The following MAN1A1 variants were observed in gnomAD, a reference collection of about 807,000 sequenced individuals.
The protein encoded by MAN1A1 is mannosyl-oligosaccharide 1,2-alpha-mannosidase IA.
A neutral mutation model predicts 70.8 loss-of-function variants in MAN1A1; 29 were observed. The ratio of observed to expected loss-of-function variants is 0.41; its 90% CI spans 0.31 to 0.56. The LOEUF is 0.56. MAN1A1 is among the 20% of genes least tolerant of loss of function. MAN1A1 has a pLI of 0.29. For missense variants in MAN1A1, 747 were observed against 841.3 expected (o/e 0.89, Z 1.39); for synonymous variants, 349 against 330.1 (o/e 1.06, Z -0.62).
rs143336180 is a variant in MAN1A1, at chr6:119,252,275, T to C, written c.898-3921A>G. On this transcript the variant is annotated intron_variant, in intron 5 of 12. Transcript: ENST00000368468. ...CATTCTTAAATGTGGTTATGTTACA[T>C]ATAATTTTAATGGGCATTTCTCGCT... Among the ~76,000 whole-genome samples, 102 of 152,338 alleles carry C rather than the reference T, an allele frequency of 6.7e-4. No individual in the cohort carries two copies. The East Asian group carries it at 0.013, about 20-fold the overall frequency.
rs1554209499 is a variant in MAN1A1, at chr6:119,260,976, G to GCTTTTTTTTTT, written c.898-12623_898-12622insAAAAAAAAAAG. Among the ~76,000 whole-genome samples, 227 of 116,926 alleles carry GCTTTTTTTTTT rather than the reference G, an allele frequency of 1.9e-3. 33 individuals are homozygous for GCTTTTTTTTTT. Among genetic ancestry groups the GCTTTTTTTTTT allele is most frequent in the East Asian group, 3.0e-3 (13 of 4,300 alleles). The allele number at this position is 116,926 out of a possible 152,430, so 76.7% of individuals were successfully genotyped here. On this transcript the variant is annotated intron_variant, in intron 5 of 12. Transcript: ENST00000368468. The stretch of plus-strand genomic sequence containing the variant: ...TATCTAAATGTCTTGTTTTTTTATT[G>GCTTTTTTTTTT]TTTTTTTTTTTTTTTTTTTTGAGAT...
chr6:119,216,237 A>C (rs1034077746), intron 6 of MAN1A1, among the ~76,000 whole-genome samples: 4 of 152,200 alleles, frequency 2.6e-5, no homozygotes, highest in African/African-American at 9.7e-5. Context: ...CACATTTCTA[A>C]AGTTCACTCT....
Position 119,179,030 on chromosome 6 carries a change from T to C in MAN1A1, c.*789A>G, listed in dbSNP as rs1421472687. ...TCTTCAGATAAATGTAATTCAGTGA[T>C]AGCAGAGCTCTGCAAAATTTGAAAG... On this transcript the variant is annotated 3_prime_UTR_variant, in exon 13 of 13. Transcript: ENST00000368468. The C allele has an allele frequency of 1.3e-5, 2 of 152,188 alleles. No homozygotes were observed. Among genetic ancestry groups the C allele is most frequent in the Middle Eastern group, 3.2e-3 (1 of 316 alleles). The allele number at this position is 152,188 out of a possible 1,614,324, so 9.4% of individuals were successfully genotyped here.
chr6:119,284,066 T>G (rs1326324040), intron 5 of MAN1A1, among the ~76,000 whole-genome samples: 1 of 152,190 alleles, frequency 6.6e-6, no homozygotes, highest in Non-Finnish European at 1.5e-5. Flanking sequence ...GTTTTCCAGT[T>G]TTGGTTTATG....
In MAN1A1 at chr6:119,288,675, G is replaced by A. The variant is rs1375161803; in HGVS notation, c.897+2008C>T. ...TCTCACTTGCCAACACCACTTCAGA[G>A]AATAAATATTCATTGATTATAGCAA... On this transcript the variant is annotated intron_variant, in intron 5 of 12. Transcript: ENST00000368468. Among the ~76,000 whole-genome samples, 4 of 151,610 alleles carry A rather than the reference G, an allele frequency of 2.6e-5. No individual in the cohort carries two copies. The East Asian group carries it at 5.8e-4, about 22-fold the overall frequency.
intron 2 of MAN1A1, among the ~76,000 whole-genome samples, chr6:119,312,774 C>T (rs1772744698): frequency 6.6e-6 from 1 of 152,196 alleles, no homozygotes; most frequent in Non-Finnish European, 1.5e-5. Flanking sequence ...AAATGCACCA[C>T]TGTGGGTTGA....
At position 119,315,120 on chromosome 6, in the gene MAN1A1, C is replaced by T. The variant is rs1015219917; in HGVS notation, c.604-8128G>A. 2.6e-5 allele frequency among the ~76,000 whole-genome samples: 4 copies of T among 152,136 alleles called. No individual in the cohort carries two copies. In the East Asian group the frequency reaches 5.8e-4, roughly 22 times the overall value. On this transcript the variant is annotated intron_variant, in intron 2 of 12. Transcript: ENST00000368468. Reference sequence around the variant, plus strand: ...TGCAATTCGTTTGTTGCCAGGTACTCGAGGTTGCCTCTTATCTACTGAGTG... The same window carrying T: ...TGCAATTCGTTTGTTGCCAGGTACTTGAGGTTGCCTCTTATCTACTGAGTG...
chr6:119,278,663 C>G (rs1219808393), intron 5 of MAN1A1, among the ~76,000 whole-genome samples: 1 of 152,076 alleles, frequency 6.6e-6, no homozygotes, highest in Non-Finnish European at 1.5e-5. Context: ...AATGTGCCCC[C>G]CCCAGTGTTG....
chr6:119,307,820 A>C (rs1183168087), intron 2 of MAN1A1, among the ~76,000 whole-genome samples: 3 of 152,204 alleles, frequency 2.0e-5, no homozygotes, highest in African/African-American at 7.2e-5. Flanking sequence ...TAATTGAAAA[A>C]GGTTCCAATC....
intron 3 of MAN1A1, among the ~76,000 whole-genome samples, chr6:119,303,795 C>T (rs1157178527): frequency 6.6e-6 from 1 of 152,150 alleles, no homozygotes; most frequent in African/African-American, 2.4e-5. Context: ...ACATGCAGAT[C>T]TTATACTCAG....
chr6:119,209,683 G>A (rs897142882), intron 6 of MAN1A1, among the ~76,000 whole-genome samples: 4 of 152,156 alleles, frequency 2.6e-5, no homozygotes, highest in Admixed American at 2.0e-4. Context: ...AGCAATTTGA[G>A]CTTCACTTAC....
intron 2 of MAN1A1, among the ~76,000 whole-genome samples, chr6:119,345,142 T>A (rs1045296874): frequency 6.7e-5 from 10 of 149,530 alleles, no homozygotes; most frequent in Non-Finnish European, 1.2e-4. Flanking sequence ...GGATTAAGGT[T>A]CTAATCCTAA....
At chr6:119,197,812 TC>T (rs928503583) in intron 8 of MAN1A1, among the ~76,000 whole-genome samples, 3 of 151,996 alleles carry the variant, frequency 2.0e-5, no homozygotes, top group African/African-American at 7.2e-5. Flanking sequence ...GTTTTTTTTT[TC>T]CATCAGGAAA....
intron 2 of MAN1A1, among the ~76,000 whole-genome samples, chr6:119,310,202 T>G (rs556000509): frequency 6.6e-6 from 1 of 152,362 alleles, no homozygotes; most frequent in South Asian, 2.1e-4. Flanking sequence ...CTAGTATGCA[T>G]AGACTTCATA....
At chr6:119,334,351 C>T (rs1020113546) in intron 2 of MAN1A1, among the ~76,000 whole-genome samples, 4 of 152,052 alleles carry the variant, frequency 2.6e-5, no homozygotes, top group African/African-American at 9.7e-5. Context: ...ACAATTCCTG[C>T]CTTGAAGTCT....
chr6:119,288,924 G>T (rs1393095132), intron 5 of MAN1A1, among the ~76,000 whole-genome samples: 1 of 151,664 alleles, frequency 6.6e-6, no homozygotes, highest in Non-Finnish European at 1.5e-5. Context: ...CAGACTGAAA[G>T]AATAGTTATT....
chr6:119,226,792 T>G (rs1243015182), intron 6 of MAN1A1, among the ~76,000 whole-genome samples: 1 of 152,120 alleles, frequency 6.6e-6, no homozygotes, highest in Non-Finnish European at 1.5e-5. Context: ...TGCCCCAGCT[T>G]CCTGAGTAGC....
chr6:119,242,130 G>GACACACACACACACACACACACAC (rs1465970489), intron 6 of MAN1A1, among the ~76,000 whole-genome samples: 1 of 35,696 alleles, frequency 2.8e-5, no homozygotes, highest in African/African-American at 6.2e-5. Context: ...CAGACAGACA[G>GACACACACACACACACACACACAC]ACAGACACAC....
At position 119,312,145 on chromosome 6, in the gene MAN1A1, A is replaced by G. The variant is rs3778105; in HGVS notation, c.604-5153T>C. Among the ~76,000 whole-genome samples, 889 of 152,218 alleles carry G rather than the reference A, an allele frequency of 5.8e-3. 30 individuals carry two copies. The East Asian group carries it at 0.09, about 15-fold the overall frequency. ...TTGGGGACACAAGGGGCTGTGTCTG[A>G]TTCAGGCAAGGTCTGAGGTGGAAGA... On this transcript the variant is annotated intron_variant, in intron 2 of 12. Coordinates refer to ENST00000368468, the MANE Select transcript of MAN1A1 (RefSeq NM_005907.4).
Sources: allele counts gnomAD v4.1 joint callset (sites outside exome capture counted in the v4.1 genomes callset), GRCh38; gene constraint gnomAD v4.1.1; transcripts MANE v1.5; gene names NCBI Gene and HGNC (gene_info 2026-07-23, HGNC 2026-07-21).